PTK2B: variants seen among roughly 807,000 people sequenced by gnomAD.
PTK2B encodes protein tyrosine kinase 2 beta, also known as protein-tyrosine kinase 2-beta.
PTK2B carries 71 observed loss-of-function variants against 142.9 expected under a neutral mutation model. The observed-to-expected ratio is 0.50, with a 90% CI of 0.41 to 0.61. The LOEUF (loss-of-function observed/expected upper bound fraction) is 0.61, where lower values mean the gene tolerates loss of function less well. PTK2B is among the 20% of genes least tolerant of loss of function. PTK2B has a pLI of 0.00. For missense variants in PTK2B, 1,105 were observed against 1,320.4 expected (o/e 0.84, Z 2.53); for synonymous variants, 519 against 503.4 (o/e 1.03, Z -0.42).
chr8:27,315,098 A>G (rs1321925981), intron 3 of PTK2B, among the ~76,000 whole-genome samples: 2 of 152,124 alleles, frequency 1.3e-5, no homozygotes, highest in Non-Finnish European at 2.9e-5. Flanking sequence ...ATTTCTTTCC[A>G]CACTTTTCCT....
chr8:27,372,633 A>G (rs949147798), intron 1 of PTK2B, among the ~76,000 whole-genome samples: 1 of 152,236 alleles, frequency 6.6e-6, no homozygotes, highest in African/African-American at 2.4e-5. Context: ...TGGGTACTCC[A>G]TAGCCCAGTC....
intron 1 of PTK2B, among the ~76,000 whole-genome samples, chr8:27,330,312 A>G (rs1161114127): frequency 6.6e-6 from 1 of 152,158 alleles, no homozygotes; most frequent in African/African-American, 2.4e-5. Flanking sequence ...GGGCAGCACC[A>G]TTTATTTTTC....
chr8:27,393,515 T>C (rs1430114483), intron 1 of PTK2B, among the ~76,000 whole-genome samples: 2 of 152,068 alleles, frequency 1.3e-5, no homozygotes, highest in African/African-American at 2.4e-5. Flanking sequence ...TGTGTCTGGG[T>C]GGGCTGCATT....
At chr8:27,457,846 G>A (rs375189332) in intron 30 of PTK2B, among the ~76,000 whole-genome samples, 35 of 152,126 alleles carry the variant, frequency 2.3e-4, no homozygotes, top group African/African-American at 7.7e-4. Flanking sequence ...GTAATTGCAG[G>A]TGCCTGTAAT....
Position 27,437,488 on chromosome 8 carries a change from T to A in PTK2B, c.1519T>A (p.Tyr507Asn). The change falls in exon 17 of 31, where the codon TAT (tyrosine) becomes AAT (asparagine). Residue 507 changes from tyrosine (Y) to asparagine (N), a missense_variant. Physicochemically the swap from Tyr to Asn is moderately radical, Grantham distance 143. Transcript: ENST00000346049. ...CTGGATCATCATGGAATTGTATCCC[T>A]ATGGGGAGGTGAGCTGGAGGACCCT... ...PTWIIMELYP[Y>N]GELGHYLERN... is the part of the protein sequence containing the mutation. The A allele has an allele frequency of 6.2e-7, 1 of 1,606,218 alleles. No individual in the cohort carries two copies. Among genetic ancestry groups the A allele is most frequent in the Non-Finnish European group, 8.5e-7 (1 of 1,175,842 alleles).
intron 1 of PTK2B, among the ~76,000 whole-genome samples, chr8:27,390,884 G>A (rs908042218): frequency 1.3e-4 from 20 of 150,158 alleles, no homozygotes; most frequent in African/African-American, 4.5e-4. Flanking sequence ...ATCACACAAC[G>A]GGTCCATGGC....
At chr8:27,434,665 A>G (rs1345264460) in intron 13 of PTK2B, 106 bp downstream of exon 13, 5 of 1,268,026 alleles carry the variant, frequency 3.9e-6, no homozygotes, top group Non-Finnish European at 4.4e-6. Flanking sequence ...AAGTGACAGA[A>G]AAATGATCCT....
At chr8:27,417,770 G>A (rs1416800070) in intron 2 of PTK2B, among the ~76,000 whole-genome samples, 1 of 152,134 alleles carries the variant, frequency 6.6e-6, no homozygotes, top group Admixed American at 6.5e-5. Flanking sequence ...ATAATCAACA[G>A]CACAGGAGTT....
At chr8:27,330,372 C>T (rs1307742589) in intron 1 of PTK2B, among the ~76,000 whole-genome samples, 11 of 152,326 alleles carry the variant, frequency 7.2e-5, no homozygotes, top group Non-Finnish European at 1.2e-4. Context: ...TTCCCCTGAG[C>T]ACTCTCTCAC....
At chr8:27,372,430 C>T (rs1198179672) in intron 1 of PTK2B, among the ~76,000 whole-genome samples, 1 of 152,094 alleles carries the variant, frequency 6.6e-6, no homozygotes, top group Admixed American at 6.5e-5. Flanking sequence ...TTGGAGGGTC[C>T]TCAGGCAGGA....
intron 1 of PTK2B, among the ~76,000 whole-genome samples, chr8:27,353,722 G>A (rs149253804): frequency 1.1e-3 from 171 of 152,318 alleles, no homozygotes; most frequent in African/African-American, 3.8e-3. Flanking sequence ...GCTGCATGAA[G>A]GTTAATAGCC....
chr8:27,446,634 C>T (rs939155736), intron 24 of PTK2B, among the ~76,000 whole-genome samples: 4 of 152,174 alleles, frequency 2.6e-5, no homozygotes, highest in African/African-American at 7.2e-5. Context: ...TCAGTTGCCA[C>T]GAACACTTGA....
intron 1 of PTK2B, among the ~76,000 whole-genome samples, chr8:27,341,538 C>G (rs1319937712): frequency 6.6e-6 from 1 of 152,120 alleles, no homozygotes; most frequent in Non-Finnish European, 1.5e-5. Flanking sequence ...CCCCAGGATG[C>G]GGCCACTTCA....
intron 11 of PTK2B, 59 bp from the exon 12 acceptor site, chr8:27,434,034 C>T (rs1442928982): frequency 6.4e-7 from 1 of 1,572,648 alleles, no homozygotes; most frequent in African/African-American, 1.4e-5. Flanking sequence ...GGAGGTCAGT[C>T]ACCCATCCAG....
At chr8:27,425,500 T>G (rs1810028619) in intron 5 of PTK2B, among the ~76,000 whole-genome samples, 1 of 152,184 alleles carries the variant, frequency 6.6e-6, no homozygotes, top group Non-Finnish European at 1.5e-5. Context: ...GAGCAGAAGG[T>G]ACAGAGTTCC....
At chr8:27,330,882 T>C (rs1026907735) in intron 1 of PTK2B, among the ~76,000 whole-genome samples, 3 of 152,164 alleles carry the variant, frequency 2.0e-5, no homozygotes, top group Non-Finnish European at 4.4e-5. Context: ...GCCTCTTACC[T>C]TTTCCCAGCA....
At chr8:27,344,666 C>A (rs1188367328) in intron 1 of PTK2B, among the ~76,000 whole-genome samples, 1 of 152,052 alleles carries the variant, frequency 6.6e-6, no homozygotes, top group Non-Finnish European at 1.5e-5. Context: ...GCAGGAACTT[C>A]AGCCCCTCAG....
intron 1 of PTK2B, among the ~76,000 whole-genome samples, chr8:27,377,223 T>C (rs976654316): frequency 1.3e-5 from 2 of 152,174 alleles, no homozygotes; most frequent in Admixed American, 1.3e-4. Flanking sequence ...GCGCCTGTCA[T>C]TGAAATATGC....
intron 1 of PTK2B, among the ~76,000 whole-genome samples, chr8:27,396,792 G>C (rs958573160): frequency 6.6e-6 from 1 of 152,230 alleles, no homozygotes; most frequent in African/African-American, 2.4e-5. Context: ...ATCTACATCT[G>C]TGTCAACCCA....
Sources: gnomAD v4.1 joint callset for allele counts (sites outside exome capture counted in the v4.1 genomes callset) on GRCh38, gnomAD v4.1.1 for gene constraint, MANE v1.5 for transcripts, NCBI Gene and HGNC (gene_info 2026-07-23, HGNC 2026-07-21) for gene names.